The following BLTP3B variants were observed in gnomAD, a reference collection of about 807,000 sequenced individuals.
The protein encoded by BLTP3B is bridge-like lipid transfer protein family member 3B.
chr12:100,140,723 AAAAAAAAT>A, the BLTP3B span, among the ~76,000 whole-genome samples: 2 of 97,980 alleles, frequency 2.0e-5, no homozygotes, highest in African/African-American at 5.3e-5. Context: ...AAAAAAAAAA[AAAAAAAAT>A]ATATATATAT....
chr12:100,097,716 T>A, the BLTP3B span, among the ~76,000 whole-genome samples: 4 of 152,342 alleles, frequency 2.6e-5, no homozygotes, highest in South Asian at 8.3e-4. Flanking sequence ...TGTAAAGCTG[T>A]TAATACTTTT....
chr12:100,082,098 C>T, the BLTP3B span, among the ~76,000 whole-genome samples: 4 of 152,154 alleles, frequency 2.6e-5, no homozygotes, highest in African/African-American at 9.6e-5. Flanking sequence ...TAATAACAGC[C>T]ATTCTGAGTG....
the BLTP3B span, among the ~76,000 whole-genome samples, chr12:100,116,169 CAA>C: frequency 2.3e-4 from 25 of 106,992 alleles, no homozygotes; most frequent in Admixed American, 4.2e-4. Context: ...GAGACTGTCT[CAA>C]AAAAAAAAAA....
the BLTP3B span, among the ~76,000 whole-genome samples, chr12:100,067,256 C>T: frequency 6.6e-6 from 1 of 152,038 alleles, no homozygotes; most frequent in Non-Finnish European, 1.5e-5. Flanking sequence ...CACAAACAGA[C>T]AACCTAAGGT....
chr12:100,125,375 T>C, the BLTP3B span, among the ~76,000 whole-genome samples: 1 of 143,416 alleles, frequency 7.0e-6, no homozygotes, highest in Non-Finnish European at 1.5e-5. Context: ...TCAGGCTGGG[T>C]ATGGTGGCTA....
chr12:100,058,221 AT>A, the BLTP3B span: 1 of 1,612,716 alleles, frequency 6.2e-7, no homozygotes, highest in South Asian at 1.1e-5. Flanking sequence ...AAATGAAAGT[AT>A]ATTCGAATCT....
At chr12:100,112,710 G>C in the BLTP3B span, among the ~76,000 whole-genome samples, 1 of 151,886 alleles carries the variant, frequency 6.6e-6, no homozygotes, top group African/African-American at 2.4e-5. Flanking sequence ...TTATAATTTG[G>C]TTAAGGGAAC....
the BLTP3B span, among the ~76,000 whole-genome samples, chr12:100,065,844 T>C: frequency 6.6e-6 from 1 of 152,198 alleles, no homozygotes; most frequent in Admixed American, 6.5e-5. Flanking sequence ...TTCTCCTTTT[T>C]GCCCTTTGAA....
At chr12:100,103,798 C>T in the BLTP3B span, 2 of 880,304 alleles carry the variant, frequency 2.3e-6, no homozygotes, top group Non-Finnish European at 3.2e-6. Flanking sequence ...AAAATGAAAC[C>T]TAACTGGTGA....
the BLTP3B span, among the ~76,000 whole-genome samples, chr12:100,117,869 A>G: frequency 6.6e-6 from 1 of 152,154 alleles, no homozygotes; most frequent in African/African-American, 2.4e-5. Context: ...CTTGATATGG[A>G]GCAGGGCCTA....
the BLTP3B span, among the ~76,000 whole-genome samples, chr12:100,140,695 ACT>A: frequency 3.8e-5 from 4 of 104,734 alleles, no homozygotes; most frequent in Admixed American, 1.3e-4. Context: ...ACAGAGTGAG[ACT>A]CTGTCTCAAA....
the BLTP3B span, among the ~76,000 whole-genome samples, chr12:100,078,841 G>A: frequency 0.069 from 10,488 of 152,032 alleles, 393 homozygotes; most frequent in South Asian, 0.089. Flanking sequence ...CAGTTCCCAC[G>A]TGTTGTGTGA....
the BLTP3B span, among the ~76,000 whole-genome samples, chr12:100,109,754 A>T: frequency 1.4e-5 from 2 of 147,054 alleles, no homozygotes; most frequent in Non-Finnish European, 3.0e-5. Flanking sequence ...TGACACAGTG[A>T]GACCCTGTCT....
At chr12:100,073,580 T>C in the BLTP3B span, among the ~76,000 whole-genome samples, 1 of 151,912 alleles carries the variant, frequency 6.6e-6, no homozygotes, top group African/African-American at 2.4e-5. Flanking sequence ...TATATGTGTG[T>C]GTATATATAT....
chr12:100,109,102 ATAGT>A, the BLTP3B span, among the ~76,000 whole-genome samples: 1 of 151,262 alleles, frequency 6.6e-6, no homozygotes, highest in African/African-American at 2.4e-5. Flanking sequence ...GTTTCTCATG[ATAGT>A]TAGGGAGTGA....
the BLTP3B span, among the ~76,000 whole-genome samples, chr12:100,100,525 C>T: frequency 6.6e-6 from 1 of 151,758 alleles, no homozygotes; most frequent in Non-Finnish European, 1.5e-5. Context: ...GCCTAGGCAA[C>T]ACATGGAGAC....
chr12:100,083,582 T>G, the BLTP3B span, among the ~76,000 whole-genome samples: 1 of 151,976 alleles, frequency 6.6e-6, no homozygotes, highest in African/African-American at 2.4e-5. Context: ...TGCTCCCAAC[T>G]TAACTAATAA....
the BLTP3B span, among the ~76,000 whole-genome samples, chr12:100,137,617 C>T: frequency 6.6e-6 from 1 of 152,106 alleles, no homozygotes. Context: ...CCACACCTGG[C>T]CCCATTTTCT....
At chr12:100,084,697 C>A in the BLTP3B span, 1 of 1,573,476 alleles carries the variant, frequency 6.4e-7, no homozygotes, top group Non-Finnish European at 8.7e-7. Context: ...GAAAAATGTA[C>A]AACTTTCATT....
Sources: allele counts gnomAD v4.1 joint callset (sites outside exome capture counted in the v4.1 genomes callset), GRCh38; gene constraint gnomAD v4.1.1; transcripts MANE v1.5; gene names NCBI Gene and HGNC (gene_info 2026-07-23, HGNC 2026-07-21).